The following KRT8 variants were observed in gnomAD, a reference collection of about 807,000 sequenced individuals.
The protein encoded by KRT8 is keratin 8.
In KRT8, 24 loss-of-function variants were observed where a neutral mutation model predicts 43.0. The observed-to-expected ratio is 0.56, with a 90% CI of 0.40 to 0.78. KRT8 has a LOEUF of 0.78. Among genes scored for constraint, KRT8 ranks in the 30% least tolerant of loss-of-function variants. KRT8 has a pLI of 0.00. For synonymous variants in KRT8, 214 were observed against 261.2 expected, an observed-to-expected ratio of 0.82 and a Z score of 1.74; for missense variants, 492 against 638.4, an observed-to-expected ratio of 0.77 and a Z score of 2.47.
chr12:52,944,224 C>T (rs1443887237), intron 2 of KRT8, among the ~76,000 whole-genome samples: 1 of 152,164 alleles, frequency 6.6e-6, no homozygotes, highest in Non-Finnish European at 1.5e-5. Context: ...TGCTCAAGAT[C>T]ACTAAGCCAG....
chr12:52,901,710 C>T lies in KRT8; in HGVS notation c.533+154G>A, dbSNP rs1565717834. On this transcript the variant is annotated intron_variant, in intron 2 of 7. Transcript: ENST00000692008. ...TGTGCTAGGAACCTGGGCATAAACA[C>T]AGACTGTTCCGAGCAAACCTCATCA... The T allele has an allele frequency of 1.8e-5, 12 of 668,754 alleles. No homozygotes were observed. In the South Asian group the frequency reaches 2.0e-4, roughly 11 times the overall value. The allele number at this position is 668,754 out of a possible 1,614,324, so 41.4% of individuals were successfully genotyped here. A position where few individuals can be genotyped will look rare whatever the true frequency, so the allele number is the denominator to read the frequency against.
exon 5 of KRT8, chr12:52,899,865 C>T (rs1201543356): frequency 6.2e-7 from 1 of 1,612,428 alleles, no homozygotes; most frequent in Non-Finnish European, 8.5e-7. Flanking sequence ...GCAGGTCATC[C>T]CCGTGCTTCC....
chr12:52,904,513 G>A (rs1416562168), intron 1 of KRT8, 145 bp downstream of exon 1: 14 of 787,022 alleles, frequency 1.8e-5, no homozygotes, highest in African/African-American at 1.4e-4. Context: ...CGGGAGGGGT[G>A]AGTCGGAGGA....
chr12:52,904,682 G>A (rs1941466517), exon 1 of KRT8: 2 of 1,612,776 alleles, frequency 1.2e-6, no homozygotes, highest in African/African-American at 1.3e-5. Context: ...AGGCAAACTT[G>A]TTGTTGAGGG....
rs183938983 is a variant in KRT8 at position 52,903,561 on chromosome 12, A to G, written c.324+1097T>C. The G allele has an allele frequency of 9.0e-4, 137 of 152,238 alleles. 1 individual carries two copies. The highest frequency in any genetic ancestry group is 3.2e-3 in the African/African-American group (133 of 41,548). The allele number at this position is 152,238 out of a possible 1,614,324, so 9.4% of individuals were successfully genotyped here. ...GGAGCCAGTCAGCGTGAAGGGCCCA[A>G]TCCTCGGGGCCGCCGGGGGCCCGGG... On this transcript the variant is annotated intron_variant, in intron 1 of 7. Coordinates refer to ENST00000692008, the Ensembl canonical transcript of KRT8.
intron 2 of KRT8, among the ~76,000 whole-genome samples, chr12:52,939,775 C>G (rs1565733586): frequency 6.6e-6 from 1 of 151,162 alleles, no homozygotes; most frequent in East Asian, 1.9e-4. Flanking sequence ...CAAAGATAAA[C>G]AGCTTTATTC....
chr12:52,906,846 G>C, upstream of KRT8: 1 of 448,590 alleles, frequency 2.2e-6, no homozygotes, highest in South Asian at 1.6e-5. Flanking sequence ...CCTTCTCTAG[G>C]AGAGACACCC....
chr12:52,912,139 G>C (rs1052360848), intron 2 of KRT8, among the ~76,000 whole-genome samples: 2 of 152,258 alleles, frequency 1.3e-5, no homozygotes, highest in African/African-American at 2.4e-5. Context: ...ACAGGGCAAG[G>C]TCTGAGGGAA....
upstream of KRT8, among the ~76,000 whole-genome samples, chr12:52,908,459 G>A (rs184719011): frequency 5.9e-5 from 9 of 152,292 alleles, no homozygotes; most frequent in East Asian, 1.2e-3. Flanking sequence ...ATATCCATAC[G>A]ATCTAATGTT....
intron 2 of KRT8, among the ~76,000 whole-genome samples, chr12:52,933,507 T>A (rs1464101454): frequency 6.6e-6 from 1 of 152,194 alleles, no homozygotes; most frequent in Admixed American, 6.6e-5. Context: ...ATCTGCAAGT[T>A]TAATGCCATC....
upstream of KRT8, chr12:52,906,988 G>GCACA: frequency 3.1e-6 from 1 of 325,620 alleles, no homozygotes; most frequent in South Asian, 2.5e-5. Flanking sequence ...ATGCACGCGT[G>GCACA]CATACACACA....
At chr12:52,907,437 G>A (rs1225324195), upstream of KRT8, among the ~76,000 whole-genome samples, 3 of 152,170 alleles carry the variant, frequency 2.0e-5, no homozygotes, top group African/African-American at 4.8e-5. Context: ...AGAGGGAGCA[G>A]GGGGCACTCA....
chr12:52,949,714 C>G lies in KRT8; in HGVS notation c.-177+1G>C. On this transcript the variant is annotated splice_donor_variant, in intron 1 of 6. Transcript: ENST00000546826. LOFTEE classifies it low-confidence loss of function (5UTR_SPLICE). Reference sequence around the variant, plus strand: ...CTCCACCGGGAGGGGGTTGGGCATACCTGGATTTCCATCCGCGCACCTAGC... The same window carrying G: ...CTCCACCGGGAGGGGGTTGGGCATAGCTGGATTTCCATCCGCGCACCTAGC... 1.1e-6 allele frequency: 1 copy of G among 891,560 alleles called. No individual in the cohort carries two copies. The highest frequency in any genetic ancestry group is 1.8e-6 in the Non-Finnish European group (1 of 542,388). The allele number at this position is 891,560 out of a possible 1,614,324, so 55.2% of individuals were successfully genotyped here.
At chr12:52,902,424 C>CTGGA (rs1247780892) in intron 1 of KRT8, among the ~76,000 whole-genome samples, 1 of 152,102 alleles carries the variant, frequency 6.6e-6, no homozygotes, top group Non-Finnish European at 1.5e-5. Flanking sequence ...GGCGCCCAGG[C>CTGGA]TGGAGTGCAG....
At position 52,942,812 on chromosome 12, in the gene KRT8, T is replaced by C. The variant is rs114320748; in HGVS notation, c.-47+6644A>G. ...ACTGCTGTTGGGATCTCAAGACCAC[T>C]GACTCACCTTCTTATGCCTCATGGT... On this transcript the variant is annotated intron_variant, in intron 2 of 6. Transcript: ENST00000546826. Among the ~76,000 whole-genome samples, 210 of 152,202 alleles carry C rather than the reference T, an allele frequency of 1.4e-3. 2 individuals are homozygous for C. Among genetic ancestry groups the C allele is most frequent in the African/African-American group, 4.7e-3 (196 of 41,546 alleles).
chr12:52,918,212 A>AAGAAGAAGGAGG (rs1941809688), intron 2 of KRT8, among the ~76,000 whole-genome samples: 1 of 132,796 alleles, frequency 7.5e-6, no homozygotes, highest in Non-Finnish European at 1.7e-5. Flanking sequence ...GAACAAGAAG[A>AAGAAGAAGGAGG]AGAAGAAGAA....
At chr12:52,900,453 G>A (rs1172775066) in intron 4 of KRT8, 135 bp downstream of exon 4, 2 of 718,266 alleles carry the variant, frequency 2.8e-6, no homozygotes, top group Admixed American at 2.0e-5. Context: ...GCAAATATTG[G>A]TGGCTGTAAT....
rs569051635 is a variant in KRT8, at chr12:52,926,681, T to G, written c.-46-21654A>C. Among the ~76,000 whole-genome samples the G allele has an allele frequency of 3.3e-5, 5 of 152,196 alleles. No individual in the cohort carries two copies. In the South Asian group the frequency reaches 8.3e-4, roughly 25 times the overall value. On this transcript the variant is annotated intron_variant, in intron 2 of 6. Transcript: ENST00000546826. ...TGAACATCCACTATTAATGAGGCAT[T>G]TTCCATATTTGTCTCATTTGACCCT...
At chr12:52,913,112 G>A (rs1411033982) in intron 2 of KRT8, among the ~76,000 whole-genome samples, 4 of 152,298 alleles carry the variant, frequency 2.6e-5, no homozygotes, top group Admixed American at 1.3e-4. Context: ...ATCAGAGGAG[G>A]CTCAGCCGAG....
Sources: gnomAD v4.1 joint callset for allele counts (sites outside exome capture counted in the v4.1 genomes callset) on GRCh38, gnomAD v4.1.1 for gene constraint, MANE v1.5 for transcripts, NCBI Gene and HGNC (gene_info 2026-07-23, HGNC 2026-07-21) for gene names.